Variants in CA10 observed in about 807,000 individuals in gnomAD.
CA10 encodes the protein carbonic anhydrase-related protein 10.
A neutral mutation model predicts 44.2 loss-of-function variants in CA10; 14 were observed. That is an observed-to-expected ratio of 0.32 (90% CI 0.21 to 0.50). The LOEUF (loss-of-function observed/expected upper bound fraction) is 0.50. Ranked by LOEUF, CA10 falls within the 20% of genes least tolerant of loss-of-function variation. The probability of loss-of-function intolerance (pLI) is 0.99; values close to 1 mark genes in which losing one functional copy is unlikely to be tolerated. For synonymous variants in CA10, 159 were observed against 141.6 expected, an observed-to-expected ratio of 1.12 and a Z score of -0.87; for missense variants, 350 against 409.7, an observed-to-expected ratio of 0.85 and a Z score of 1.26.
intron 2 of CA10, among the ~76,000 whole-genome samples, chr17:51,968,586 T>C (rs1469942196): frequency 6.6e-6 from 1 of 151,906 alleles, no homozygotes; most frequent in Non-Finnish European, 1.5e-5. Flanking sequence ...TGGGGATTAA[T>C]ATTGACCACA....
rs368718787 is a variant in CA10, at chr17:51,664,598, G to A, written c.466-10862C>T. Reference sequence around the variant, plus strand: ...ATAGAATCTAATGCTTCAACCTGATGCCTGGGATGTCTTTTGCCTGAGGTC... The same window carrying A: ...ATAGAATCTAATGCTTCAACCTGATACCTGGGATGTCTTTTGCCTGAGGTC... On this transcript the variant is annotated intron_variant, in intron 4 of 8. Transcript: ENST00000451037. Among the ~76,000 whole-genome samples, 34 of 151,382 alleles carry A rather than the reference G, an allele frequency of 2.2e-4. No homozygotes were observed. The South Asian group carries it at 5.2e-3, about 23-fold the overall frequency.
chr17:51,694,495 G>GTT (rs548169573), intron 4 of CA10, among the ~76,000 whole-genome samples: 7,278 of 127,356 alleles, frequency 0.057, 657 homozygotes, highest in African/African-American at 0.2. Context: ...TTTTAATGGG[G>GTT]TTTTTTTTTT....
intron 3 of CA10, among the ~76,000 whole-genome samples, chr17:51,790,444 C>A (rs917724146): frequency 6.6e-6 from 1 of 152,204 alleles, no homozygotes; most frequent in African/African-American, 2.4e-5. Flanking sequence ...TTTGGCAAAT[C>A]CATAATGATT....
At chr17:51,890,114 C>CCAAT (rs2143907398) in intron 3 of CA10, among the ~76,000 whole-genome samples, 1 of 152,286 alleles carries the variant, frequency 6.6e-6, no homozygotes, top group South Asian at 2.1e-4. Context: ...CATTAATGTG[C>CCAAT]CAATGGCTTA....
intron 1 of CA10, among the ~76,000 whole-genome samples, chr17:52,115,678 G>A (rs889517522): frequency 3.3e-5 from 5 of 152,210 alleles, no homozygotes; most frequent in Admixed American, 6.5e-5. Context: ...CTCCCCTCTC[G>A]GTTGGGGCTG....
chr17:51,689,455 G>T (rs545808188), intron 4 of CA10, among the ~76,000 whole-genome samples: 44 of 152,200 alleles, frequency 2.9e-4, no homozygotes, highest in African/African-American at 9.9e-4. Context: ...AATATGTGAT[G>T]GAATATCATT....
chr17:51,878,918 G>GTA (rs1421534650), intron 3 of CA10, among the ~76,000 whole-genome samples: 2 of 124,222 alleles, frequency 1.6e-5, no homozygotes, highest in Admixed American at 8.0e-5. Context: ...GTGTGTATGT[G>GTA]TGTATGTGTG....
chr17:52,053,200 T>C (rs1987127233), intron 2 of CA10, among the ~76,000 whole-genome samples: 1 of 152,082 alleles, frequency 6.6e-6, no homozygotes, highest in African/African-American at 2.4e-5. Context: ...GATGGTGAAA[T>C]CAGCATTGTC....
At chr17:51,745,295 G>T (rs1034390007) in intron 4 of CA10, among the ~76,000 whole-genome samples, 2 of 152,130 alleles carry the variant, frequency 1.3e-5, no homozygotes, top group African/African-American at 4.8e-5. Context: ...TTTTACAAAT[G>T]TACAAACCTG....
intron 3 of CA10, among the ~76,000 whole-genome samples, chr17:51,919,361 TA>T (rs1375040453): frequency 6.6e-6 from 1 of 152,170 alleles, no homozygotes; most frequent in Admixed American, 6.5e-5. Context: ...ACCAGCTTTT[TA>T]AGATCAGCAT....
intron 4 of CA10, among the ~76,000 whole-genome samples, chr17:51,718,113 C>T (rs1389507358): frequency 6.6e-6 from 1 of 150,858 alleles, no homozygotes; most frequent in African/African-American, 2.4e-5. Context: ...AAATATGGTG[C>T]AGTGTATACT....
In CA10 at chr17:51,857,919, A is replaced by G. The variant is rs184935038; in HGVS notation, c.279+73071T>C. On this transcript the variant is annotated intron_variant, in intron 3 of 8. Coordinates refer to ENST00000451037, the MANE Select transcript of CA10 (RefSeq NM_020178.5). ...CAGTCAGGGTTGAAATTGGATGAGA[A>G]ATTCAGGGGTTTCTCCTTAGCCTCA... 4.4e-3 allele frequency among the ~76,000 whole-genome samples: 676 copies of G among 152,300 alleles called. 4 individuals carry two copies. The highest frequency in any genetic ancestry group is 0.016 in the African/African-American group (649 of 41,564).
At chr17:51,841,810 G>A (rs1324654685) in intron 3 of CA10, among the ~76,000 whole-genome samples, 1 of 152,190 alleles carries the variant, frequency 6.6e-6, no homozygotes, top group Non-Finnish European at 1.5e-5. Flanking sequence ...GAAAGCTCCA[G>A]GGAGGGTATA....
chr17:51,761,349 T>C (rs1690335927), intron 3 of CA10: 1 of 152,202 alleles, frequency 6.6e-6, no homozygotes, highest in Admixed American at 6.5e-5. Context: ...TAGAATCTAT[T>C]GATGTTGAAA....
At chr17:52,076,032 G>A (rs1458592437) in intron 1 of CA10, among the ~76,000 whole-genome samples, 8 of 152,168 alleles carry the variant, frequency 5.3e-5, no homozygotes, top group Admixed American at 5.2e-4. Flanking sequence ...ATACATGCAT[G>A]TTGTCAAGAC....
intron 3 of CA10, among the ~76,000 whole-genome samples, chr17:51,749,839 A>G (rs1454092104): frequency 6.6e-6 from 1 of 152,184 alleles, no homozygotes; most frequent in Non-Finnish European, 1.5e-5. Context: ...GAATGGGGAG[A>G]ATAACTACTT....
intron 1 of CA10, among the ~76,000 whole-genome samples, chr17:52,129,434 G>A (rs947025132): frequency 2.6e-5 from 4 of 152,170 alleles, no homozygotes; most frequent in African/African-American, 9.7e-5. Context: ...CTATGAGGTA[G>A]ATGCCATTGC....
At chr17:51,917,130 T>TA (rs1202573929) in intron 3 of CA10, among the ~76,000 whole-genome samples, 1 of 152,154 alleles carries the variant, frequency 6.6e-6, no homozygotes, top group Admixed American at 6.5e-5. Context: ...GCTCTCCAGA[T>TA]AAAAAAGGGG....
chr17:51,985,665 T>C (rs1054154711), intron 2 of CA10, among the ~76,000 whole-genome samples: 6 of 151,940 alleles, frequency 3.9e-5, no homozygotes, highest in Non-Finnish European at 7.4e-5. Context: ...AATTTCCAGA[T>C]ACAAAATTAA....
Sources: gnomAD v4.1 joint callset for allele counts (sites outside exome capture counted in the v4.1 genomes callset) on GRCh38, gnomAD v4.1.1 for gene constraint, MANE v1.5 for transcripts, NCBI Gene and HGNC (gene_info 2026-07-23, HGNC 2026-07-21) for gene names.